Variants in TET1 observed in about 807,000 individuals in gnomAD.
TET1 encodes methylcytosine dioxygenase TET1.
In TET1, 13 loss-of-function variants were observed where a neutral mutation model predicts 148.7. The ratio of observed to expected loss-of-function variants is 0.09; its 90% CI spans 0.06 to 0.14. The LOEUF is 0.14. Ranked by LOEUF, TET1 falls within the 10% of genes least tolerant of loss-of-function variation. The probability of loss-of-function intolerance (pLI) is 1.00; values close to 1 mark genes in which losing one functional copy is unlikely to be tolerated. For missense variants in TET1, 2,182 were observed against 2,553.8 expected (o/e 0.85, Z 3.14); for synonymous variants, 907 against 937.2 (o/e 0.97, Z 0.59).
intron 3 of TET1, among the ~76,000 whole-genome samples, chr10:68,609,195 CT>C (rs1222163763): frequency 1.3e-5 from 2 of 151,616 alleles, no homozygotes; most frequent in Non-Finnish European, 2.9e-5. Context: ...GAGTTTCGCT[CT>C]TGTTGCCCAG....
chr10:68,566,267 G>C (rs2053606673), intron 1 of TET1, among the ~76,000 whole-genome samples: 1 of 152,136 alleles, frequency 6.6e-6, no homozygotes, highest in Non-Finnish European at 1.5e-5. Context: ...CTTGATACAA[G>C]AGAGAAAGCA....
At chr10:68,569,056 G>C (rs1006869704) in intron 1 of TET1, among the ~76,000 whole-genome samples, 2 of 151,526 alleles carry the variant, frequency 1.3e-5, no homozygotes, top group Non-Finnish European at 2.9e-5. Context: ...TGTCAATACT[G>C]TCTCCTGAGA....
chr10:68,639,759 C>T (rs1317594984), intron 3 of TET1, among the ~76,000 whole-genome samples: 1 of 152,120 alleles, frequency 6.6e-6, no homozygotes, highest in Non-Finnish European at 1.5e-5. Context: ...AGCCACCATG[C>T]CCCGCCCTTT....
chr10:68,613,807 A>G (rs1360036245), intron 3 of TET1, among the ~76,000 whole-genome samples: 1 of 152,046 alleles, frequency 6.6e-6, no homozygotes, highest in East Asian at 1.9e-4. Context: ...GCATGGTGGT[A>G]CGCACCTGTA....
At chr10:68,621,030 C>T (rs981536106) in intron 3 of TET1, among the ~76,000 whole-genome samples, 10 of 152,318 alleles carry the variant, frequency 6.6e-5, no homozygotes, top group African/African-American at 1.9e-4. Context: ...GTCCTACACA[C>T]AAGTCCTTTA....
At chr10:68,576,742 T>G (rs2053735587) in intron 2 of TET1, among the ~76,000 whole-genome samples, 2 of 152,180 alleles carry the variant, frequency 1.3e-5, no homozygotes, top group Admixed American at 1.3e-4. Context: ...GTTTTTCATT[T>G]TCTTTTCTGA....
chr10:68,585,585 T>C (rs2053851726), intron 2 of TET1, among the ~76,000 whole-genome samples: 1 of 152,174 alleles, frequency 6.6e-6, no homozygotes, highest in African/African-American at 2.4e-5. Flanking sequence ...CTCAGAATTA[T>C]ATGCAGCATA....
rs1202179982 is a variant in TET1 at position 68,691,437 on chromosome 10, G to A, written c.6034G>A (p.Ala2012Thr). The A allele has an allele frequency of 1.9e-6, 3 of 1,614,086 alleles. No individual in the cohort carries two copies. The highest frequency in any genetic ancestry group is 1.1e-5 in the South Asian group (1 of 91,074). The change falls in exon 12 of 12, where the codon GCA (alanine) becomes ACA (threonine). Residue 2012 changes from alanine to threonine, a missense_variant. Physicochemically the swap from Ala to Thr is moderately conservative, Grantham distance 58. This residue lies in a region of TET1 where 11 missense variants were observed against 44.0 expected (regional missense o/e 0.25). Coordinates refer to ENST00000373644, the MANE Select transcript of TET1 (RefSeq NM_030625.3). The surrounding 1 kb of genome is among the most constrained non-coding windows in gnomAD (Gnocchi z 4.4). ...TGCAAATATTGGTGGGGTGGCCATC[G>A]CACCTGCTCACGGCTCGGTTTTGAT... ...LDANIGGVAI[A>T]PAHGSVLIEC... is the part of the protein sequence containing the mutation.
chr10:68,598,689 T>TTC (rs1554933257), intron 2 of TET1, among the ~76,000 whole-genome samples: 10 of 148,000 alleles, frequency 6.8e-5, no homozygotes, highest in African/African-American at 9.9e-5. Context: ...GTTTTTTTTT[T>TTC]CTTTTTCTTT....
chr10:68,608,560 A>G (rs1277310624), intron 3 of TET1, among the ~76,000 whole-genome samples: 1 of 151,880 alleles, frequency 6.6e-6, no homozygotes, highest in Non-Finnish European at 1.5e-5. Context: ...TTTGAGATGG[A>G]GTCTTGGTTT....
chr10:68,569,166 CTTTTTTTTTTTT>C (rs34385747), intron 1 of TET1, among the ~76,000 whole-genome samples: 7 of 69,778 alleles, frequency 1.0e-4, no homozygotes, highest in South Asian at 1.1e-3. Context: ...AGGAGAGTTT[CTTTTTTTTTTTT>C]TTTTTTTTTT....
At chr10:68,630,040 CTTTT>C (rs569186991) in intron 3 of TET1, among the ~76,000 whole-genome samples, 31 of 152,052 alleles carry the variant, frequency 2.0e-4, no homozygotes, top group Non-Finnish European at 3.7e-4. Context: ...AATCTGGTAT[CTTTT>C]TTTATTTTCT....
intron 3 of TET1, among the ~76,000 whole-genome samples, chr10:68,626,346 G>A (rs527374906): frequency 7.3e-5 from 11 of 151,466 alleles, no homozygotes; most frequent in South Asian, 4.2e-4. Flanking sequence ...CTGGGACCTA[G>A]ATACTATTTA....
At position 68,570,758 on chromosome 10, in the gene TET1, T is replaced by G. The variant is rs974623583; in HGVS notation, c.-122-1459T>G. On this transcript the variant is annotated intron_variant, in intron 1 of 11. Transcript: ENST00000373644. ...CATTCTCCTGCCTCAGCCTCCTGAG[T>G]AGCTGGGACTACGGGCACCCGCCGC... Among the ~76,000 whole-genome samples the G allele has an allele frequency of 2.6e-5, 4 of 151,274 alleles. No individual in the cohort carries two copies. The East Asian group carries it at 7.9e-4, about 30-fold the overall frequency.
At chr10:68,594,201 C>T (rs1237429214) in intron 2 of TET1, among the ~76,000 whole-genome samples, 2 of 152,156 alleles carry the variant, frequency 1.3e-5, no homozygotes, top group African/African-American at 4.8e-5. Flanking sequence ...GCTGGGATTA[C>T]AGGCATGAGG....
At chr10:68,636,961 G>A (rs2054659324) in intron 3 of TET1, among the ~76,000 whole-genome samples, 1 of 66,650 alleles carries the variant, frequency 1.5e-5, no homozygotes, top group Non-Finnish European at 3.0e-5. Context: ...GCTGACTTTT[G>A]TTTTCTATTA....
chr10:68,571,136 G>A (rs1367058769), intron 1 of TET1, among the ~76,000 whole-genome samples: 3 of 149,592 alleles, frequency 2.0e-5, no homozygotes, highest in East Asian at 2.0e-4. Context: ...GATTACAGGC[G>A]CCTGCCACCA....
At chr10:68,582,965 G>A (rs1479953319) in intron 2 of TET1, among the ~76,000 whole-genome samples, 4 of 152,092 alleles carry the variant, frequency 2.6e-5, no homozygotes, top group Admixed American at 1.3e-4. Context: ...CAGTATAAAG[G>A]CATGTAGACT....
chr10:68,666,221 CAAAT>C (rs1306445744), intron 6 of TET1, among the ~76,000 whole-genome samples: 10 of 137,280 alleles, frequency 7.3e-5, no homozygotes, highest in African/African-American at 1.6e-4. Flanking sequence ...ATTAAATAAA[CAAAT>C]AAATATTTAC....
Sources: gnomAD v4.1 joint callset for allele counts (sites outside exome capture counted in the v4.1 genomes callset) on GRCh38, gnomAD v4.1.1 for gene constraint, gnomAD v4.1.1 regional missense constraint, Gnocchi (gnomAD v3.1) non-coding constraint, MANE v1.5 for transcripts, NCBI Gene and HGNC (gene_info 2026-07-23, HGNC 2026-07-21) for gene names.